GALNT2: variants seen among roughly 807,000 people sequenced by gnomAD.
The protein encoded by GALNT2 is UDP-GalNAc:polypeptide N-acetylgalactosaminyltransferase 2.
Under a neutral mutation model 81.4 loss-of-function variants are expected in GALNT2, and 31 were observed. The observed-to-expected ratio is 0.38, with a 90% CI of 0.29 to 0.51. The LOEUF (loss-of-function observed/expected upper bound fraction) is 0.51, where lower values mean the gene tolerates loss of function less well. Among genes scored for constraint, GALNT2 ranks in the 20% least tolerant of loss-of-function variants. GALNT2 has a pLI of 0.87. For synonymous variants in GALNT2, 303 were observed against 287.4 expected (o/e 1.05, Z -0.55); for missense variants, 629 against 765.7 (o/e 0.82, Z 2.11).
At chr1:230,220,137 G>A (rs951763663) in intron 3 of GALNT2, among the ~76,000 whole-genome samples, 1 of 152,146 alleles carries the variant, frequency 6.6e-6, no homozygotes, top group Non-Finnish European at 1.5e-5. Flanking sequence ...ACACACTAAT[G>A]TTTTTGCAGC....
intron 1 of GALNT2, among the ~76,000 whole-genome samples, chr1:230,161,218 T>G (rs1170223949): frequency 6.6e-6 from 1 of 152,184 alleles, no homozygotes; most frequent in Non-Finnish European, 1.5e-5. Context: ...GGCTGGCTGG[T>G]CCAAGGTGGC....
At chr1:230,209,774 C>T (rs1664176754) in intron 3 of GALNT2, among the ~76,000 whole-genome samples, 1 of 151,616 alleles carries the variant, frequency 6.6e-6, no homozygotes, top group African/African-American at 2.4e-5. Context: ...GCCTAGGAGG[C>T]TGAGCCTGCA....
At chr1:230,161,238 C>A (rs2102847030) in intron 1 of GALNT2, among the ~76,000 whole-genome samples, 1 of 152,298 alleles carries the variant, frequency 6.6e-6, no homozygotes, top group South Asian at 2.1e-4. Context: ...CCTCACGTGT[C>A]CTATAGTATT....
intron 1 of GALNT2, among the ~76,000 whole-genome samples, chr1:230,118,971 C>T (rs11586439): frequency 0.16 from 24,794 of 152,134 alleles, 2,394 homozygotes; most frequent in South Asian, 0.27. Flanking sequence ...CAGAAATCAT[C>T]TTATTTTACC....
intron 1 of GALNT2, among the ~76,000 whole-genome samples, chr1:230,068,920 G>A (rs1229771970): frequency 4.6e-5 from 7 of 152,226 alleles, no homozygotes. Flanking sequence ...AAGCCGTGCA[G>A]TCCATTCAGA....
chr1:230,180,438 A>G (rs1265805821), intron 2 of GALNT2, among the ~76,000 whole-genome samples: 1 of 149,224 alleles, frequency 6.7e-6, no homozygotes, highest in Non-Finnish European at 1.5e-5. Context: ...ATGGTTCTAT[A>G]TTGGAGCTCT....
chr1:230,259,380 A>T (rs1424595773), intron 11 of GALNT2: 1 of 152,216 alleles, frequency 6.6e-6, no homozygotes, highest in Non-Finnish European at 1.5e-5. Flanking sequence ...TTCTGCATGA[A>T]ACAAAGTTTG....
intron 1 of GALNT2, among the ~76,000 whole-genome samples, chr1:230,144,367 C>T (rs6678475): frequency 0.02 from 3,043 of 152,290 alleles, 45 homozygotes; most frequent in Non-Finnish European, 0.03. Flanking sequence ...CTACTACACT[C>T]GGCTTCTCTA....
At chr1:230,172,903 A>G (rs1662840774) in intron 1 of GALNT2, among the ~76,000 whole-genome samples, 1 of 152,212 alleles carries the variant, frequency 6.6e-6, no homozygotes, top group Non-Finnish European at 1.5e-5. Context: ...TAGAGATAGG[A>G]TGAATTTGAG....
At chr1:230,222,973 A>G (rs1172715694) in intron 3 of GALNT2, among the ~76,000 whole-genome samples, 1 of 152,178 alleles carries the variant, frequency 6.6e-6, no homozygotes, top group Non-Finnish European at 1.5e-5. Context: ...TTTAAAAGCT[A>G]GTAACATCTA....
At chr1:230,155,193 C>T (rs941414238) in intron 1 of GALNT2, among the ~76,000 whole-genome samples, 4 of 152,162 alleles carry the variant, frequency 2.6e-5, no homozygotes, top group African/African-American at 7.2e-5. Context: ...CACTTTCTCT[C>T]ACATCTGTGG....
At chr1:230,092,176 G>GTTTTTTTTTTTTTTT (rs1553311874) in intron 1 of GALNT2, 6 of 42,236 alleles carry the variant, frequency 1.4e-4, no homozygotes, top group East Asian at 1.3e-3. Flanking sequence ...TATTCCTTTA[G>GTTTTTTTTTTTTTTT]TTTTTTTTTT....
chr1:230,156,244 A>AGAGT (rs532022468), intron 1 of GALNT2, among the ~76,000 whole-genome samples: 126 of 146,986 alleles, frequency 8.6e-4, no homozygotes, highest in Admixed American at 2.0e-3. Flanking sequence ...AGAGAGAGAG[A>AGAGT]GTGTGTGTGT....
At chr1:230,268,551 C>T (rs542744992) in intron 14 of GALNT2, 1 of 152,234 alleles carries the variant, frequency 6.6e-6, no homozygotes, top group South Asian at 2.1e-4. Flanking sequence ...GTGCTCAGGC[C>T]CCGGCCGAGA....
intron 10 of GALNT2, among the ~76,000 whole-genome samples, chr1:230,252,296 A>G (rs1399234254): frequency 6.6e-6 from 1 of 151,784 alleles, no homozygotes. Context: ...ATCCAAAACC[A>G]CCTCCTCAAC....
chr1:230,063,220 A>C (rs917771228), upstream of GALNT2, among the ~76,000 whole-genome samples: 1 of 151,696 alleles, frequency 6.6e-6, no homozygotes, highest in Admixed American at 6.6e-5. Context: ...CTGAGGCAGG[A>C]GAATGGCTTG....
intron 3 of GALNT2, 36 bp downstream of exon 3, chr1:230,203,326 T>G (rs1244773600): frequency 1.2e-6 from 2 of 1,606,958 alleles, no homozygotes; most frequent in Non-Finnish European, 1.7e-6. Context: ...GCAGCTTCAT[T>G]TGCTTTCACA....
chr1:230,255,076 A>C, intron 10 of GALNT2, 142 bp from the exon 11 acceptor site: 1 of 1,177,660 alleles, frequency 8.5e-7, no homozygotes, highest in Non-Finnish European at 1.2e-6. Flanking sequence ...GAAGGTCCTT[A>C]TCAGATCTCC....
rs1370782396 is a variant in GALNT2, at chr1:230,135,224, A to T, written c.127-42994A>T. ...ATGGGGGGTGAGAAATGGTAGAGAC[A>T]GTGTCCTAGACTCGGGGGTGGGGAT... On this transcript the variant is annotated intron_variant, in intron 1 of 15. Transcript: ENST00000366672. Among the ~76,000 whole-genome samples the T allele has an allele frequency of 2.6e-5, 4 of 151,988 alleles. No homozygotes were observed. The East Asian group carries it at 7.8e-4, about 30-fold the overall frequency.
Sources: gnomAD v4.1 joint callset for allele counts (sites outside exome capture counted in the v4.1 genomes callset) on GRCh38, gnomAD v4.1.1 for gene constraint, MANE v1.5 for transcripts, NCBI Gene and HGNC (gene_info 2026-07-23, HGNC 2026-07-21) for gene names.